SMPD3: variants seen among roughly 807,000 people sequenced by gnomAD.
SMPD3 encodes the protein sphingomyelin phosphodiesterase 3.
Under a neutral mutation model 55.7 loss-of-function variants are expected in SMPD3, and 21 were observed. The ratio of observed to expected loss-of-function variants is 0.38; its 90% CI spans 0.27 to 0.54. SMPD3 has a LOEUF of 0.54. SMPD3 is among the 20% of genes least tolerant of loss of function. SMPD3 has a pLI of 0.80. For synonymous variants in SMPD3, 457 were observed against 404.3 expected, an observed-to-expected ratio of 1.13 and a Z score of -1.56; for missense variants, 842 against 899.6, an observed-to-expected ratio of 0.94 and a Z score of 0.82.
chr16:68,417,924 A>G (rs773116418), intron 1 of SMPD3, among the ~76,000 whole-genome samples: 2 of 152,226 alleles, frequency 1.3e-5, no homozygotes, highest in Non-Finnish European at 2.9e-5. Context: ...TCTAAGCCCT[A>G]GTTTATTCAG....
Position 68,372,279 on chromosome 16 carries a change from G to A in SMPD3, c.-98C>T. 1 of 1,491,032 alleles carries A rather than the reference G, an allele frequency of 6.7e-7. No individual in the cohort carries two copies. Among genetic ancestry groups the A allele is most frequent in the Non-Finnish European group, 9.1e-7 (1 of 1,099,666 alleles). The allele number at this position is 1,491,032 out of a possible 1,614,324, so 92.4% of individuals were successfully genotyped here. A position where few individuals can be genotyped will look rare whatever the true frequency, so the allele number is the denominator to read the frequency against. The stretch of plus-strand genomic sequence containing the variant: ...AGGGTGGGCGAGTTGGGGGCAGCTG[G>A]AGGAGGGGTCACCTCCTGGCGAGAT... On this transcript the variant is annotated 5_prime_UTR_variant, in exon 3 of 9. Transcript: ENST00000219334.
intron 1 of SMPD3, among the ~76,000 whole-genome samples, chr16:68,403,579 T>C (rs528433246): frequency 7.2e-5 from 11 of 152,372 alleles, no homozygotes; most frequent in Non-Finnish European, 1.5e-4. Context: ...CAGGGATTTT[T>C]ATTCTTTTTT....
chr16:68,431,031 T>C (rs998518868), intron 1 of SMPD3, among the ~76,000 whole-genome samples: 1 of 152,130 alleles, frequency 6.6e-6, no homozygotes, highest in Non-Finnish European at 1.5e-5. Flanking sequence ...AGAATTCAGA[T>C]ATATTTCTTC....
intron 2 of SMPD3, 59 bp downstream of exon 2, chr16:68,386,538 TG>T: frequency 6.6e-6 from 1 of 152,256 alleles, no homozygotes; most frequent in South Asian, 2.1e-4. Context: ...AGGAAAGGCT[TG>T]GAGCGCTCCC....
chr16:68,435,135 C>CA, intron 1 of SMPD3, among the ~76,000 whole-genome samples: 1 of 60,770 alleles, frequency 1.6e-5, no homozygotes, highest in Non-Finnish European at 4.0e-5. Context: ...GAAAGACAGC[C>CA]CAGCAGATCT....
Position 68,370,910 on chromosome 16 carries a change from G to A in SMPD3, c.1272C>T (p.Pro424=). 1 of 1,614,122 alleles carries A rather than the reference G, an allele frequency of 6.2e-7. No homozygotes were observed. The highest frequency in any genetic ancestry group is 8.5e-7 in the Non-Finnish European group (1 of 1,180,004). The change falls in exon 3 of 9, where the codon CCC becomes CCT. Residue 424 remains proline, a synonymous_variant. Transcript: ENST00000219334. ...CCAGGGCATCGTCGTTACACTTGTT[G>A]GGGTAACAGTGATAGGCCACGTCCA... The part of the protein sequence containing the change: ...PIMDVAYHCY[P]NKCNDDALAS...
chr16:68,436,888 C>T (rs1445748976), intron 1 of SMPD3, among the ~76,000 whole-genome samples: 2 of 152,148 alleles, frequency 1.3e-5, no homozygotes, highest in South Asian at 4.1e-4. Context: ...CTGAAATACA[C>T]CAGCCTTTGC....
intron 1 of SMPD3, among the ~76,000 whole-genome samples, chr16:68,408,564 GATGGCTCCCATTCAAT>G (rs2090270999): frequency 6.6e-6 from 1 of 152,238 alleles, no homozygotes. Context: ...GTGACTCTGG[GATGGCTCCCATTCAAT>G]CAGCATATTG....
intron 2 of SMPD3, among the ~76,000 whole-genome samples, chr16:68,378,505 G>A (rs1281437560): frequency 6.6e-6 from 1 of 152,152 alleles, no homozygotes; most frequent in Non-Finnish European, 1.5e-5. Flanking sequence ...GTAAATGCCT[G>A]TTCATCCATC....
chr16:68,423,422 T>C (rs1340769230), intron 1 of SMPD3, among the ~76,000 whole-genome samples: 3 of 152,162 alleles, frequency 2.0e-5, no homozygotes, highest in Non-Finnish European at 4.4e-5. Flanking sequence ...TGGGGATCCA[T>C]GATGGGGCTG....
chr16:68,367,320 A>C (rs903250150), intron 3 of SMPD3: 2 of 152,396 alleles, frequency 1.3e-5, no homozygotes, highest in African/African-American at 4.8e-5. Context: ...GCTCAGGCAC[A>C]TGATAAAGTG....
chr16:68,406,981 A>G (rs1161308878), intron 1 of SMPD3, among the ~76,000 whole-genome samples: 1 of 152,196 alleles, frequency 6.6e-6, no homozygotes, highest in African/African-American at 2.4e-5. Context: ...GGAATCTTGT[A>G]AAATCGGATG....
chr16:68,372,729 G>C (rs2089704703), intron 2 of SMPD3, among the ~76,000 whole-genome samples: 1 of 152,192 alleles, frequency 6.6e-6, no homozygotes, highest in Admixed American at 6.5e-5. Context: ...CATCCTAGAG[G>C]ATGCCTGGGC....
intron 2 of SMPD3, among the ~76,000 whole-genome samples, chr16:68,382,417 G>A (rs1324579289): frequency 6.6e-6 from 1 of 152,246 alleles, no homozygotes; most frequent in African/African-American, 2.4e-5. Flanking sequence ...GGGAGGCTGG[G>A]GGCACTGGGC....
At chr16:68,388,455 G>C (rs1026570949) in intron 1 of SMPD3, among the ~76,000 whole-genome samples, 1 of 152,162 alleles carries the variant, frequency 6.6e-6, no homozygotes, top group East Asian at 1.9e-4. Flanking sequence ...TCTGGCATTA[G>C]ACATAAAGGA....
chr16:68,427,338 A>G (rs541093695), intron 1 of SMPD3, among the ~76,000 whole-genome samples: 1 of 152,308 alleles, frequency 6.6e-6, no homozygotes, highest in East Asian at 1.9e-4. Context: ...AGATGATCTT[A>G]CCACTTTTCT....
chr16:68,446,426 C>T (rs2090610011), intron 1 of SMPD3, among the ~76,000 whole-genome samples: 1 of 151,742 alleles, frequency 6.6e-6, no homozygotes, highest in Non-Finnish European at 1.5e-5. Flanking sequence ...GATGTGACTA[C>T]CCTGCTCCCC....
rs1287199727 is a variant in SMPD3 at position 68,371,190 on chromosome 16, T to A, written c.992A>T (p.Lys331Met). The part of the protein sequence containing the change: ...SKLLYKASVV[K>M]KAAARRRRHP... Reference sequence around the variant, plus strand: ...CCGCCTCCTGCGTGCAGCCGCCTTCTTCACCACCGAGGCCTTGTACAGGAG... The same window carrying A: ...CCGCCTCCTGCGTGCAGCCGCCTTCATCACCACCGAGGCCTTGTACAGGAG... The change falls in exon 3 of 9, where the codon AAG becomes ATG. Residue 331 changes from lysine to methionine, a missense_variant. Physicochemically the swap from Lys to Met is moderately conservative, Grantham distance 95. Transcript: ENST00000219334. 6.2e-7 allele frequency: 1 copy of A among 1,612,200 alleles called. No homozygotes were observed. The highest frequency in any genetic ancestry group is 1.3e-5 in the African/African-American group (1 of 74,834).
chr16:68,443,798 T>C (rs2090586307), intron 1 of SMPD3, among the ~76,000 whole-genome samples: 1 of 152,214 alleles, frequency 6.6e-6, no homozygotes, highest in Non-Finnish European at 1.5e-5. Flanking sequence ...CATAGAATAA[T>C]CCAATAGTTC....
Sources: allele counts gnomAD v4.1 joint callset (sites outside exome capture counted in the v4.1 genomes callset), GRCh38; gene constraint gnomAD v4.1.1; transcripts MANE v1.5; gene names NCBI Gene and HGNC (gene_info 2026-07-23, HGNC 2026-07-21).